The following STS variants were observed in gnomAD, a reference collection of about 807,000 sequenced individuals.
STS encodes steroid sulfatase.
In STS, 7 loss-of-function variants were observed where a neutral mutation model predicts 26.8. The observed-to-expected ratio is 0.26, with a 90% confidence interval of 0.15 to 0.49. STS has a LOEUF of 0.49. Ranked by LOEUF, STS falls within the 20% of genes least tolerant of loss-of-function variation. STS has a pLI of 0.98. For synonymous variants in STS, 199 were observed against 189.4 expected (o/e 1.05, Z -0.42); for missense variants, 434 against 465.6 (o/e 0.93, Z 0.63).
At chrX:7,345,954 TC>T (rs746973229) in intron 10 of STS, among the ~76,000 whole-genome samples, 4 of 112,040 alleles carry the variant, frequency 3.6e-5, no homozygotes, top group Non-Finnish European at 7.5e-5. Context: ...GGCTCCCACT[TC>T]CTGTGGCTGA....
chrX:7,336,058 A>G (rs1363533398), intron 10 of STS, among the ~76,000 whole-genome samples: 1 of 111,800 alleles, frequency 8.9e-6, no homozygotes, highest in Non-Finnish European at 1.9e-5. Context: ...TTAGAATTAC[A>G]GTAATATTCC....
At chrX:7,225,456 G>A (rs771438989) in intron 2 of STS, among the ~76,000 whole-genome samples, 1 of 111,648 alleles carries the variant, frequency 9.0e-6, no homozygotes, top group Admixed American at 9.5e-5. Flanking sequence ...TCTCTGAAAG[G>A]AGTCACACGG....
intron 1 of STS, among the ~76,000 whole-genome samples, chrX:7,163,376 T>A (rs1340358839): frequency 8.9e-6 from 1 of 112,540 alleles, no homozygotes; most frequent in African/African-American, 3.2e-5. Context: ...GGTGTGGAGA[T>A]CACTGTTTTG....
chrX:7,204,900 C>G lies in STS; in HGVS notation c.-5+13892C>G, dbSNP rs1198396648. On this transcript the variant is annotated intron_variant, in intron 2 of 10. Transcript: ENST00000674429. ...CCTTCCTTTCCCTTATTCCTCCCTC[C>G]TTCGCTCTCTCTCTTGCTCCCTAAT... Among the ~76,000 whole-genome samples, 4 of 107,703 alleles carry G rather than the reference C, an allele frequency of 3.7e-5. No individual in the cohort carries two copies. The East Asian group carries it at 1.2e-3, about 31-fold the overall frequency. The allele number at this position is 107,703 out of a possible 115,157, so 93.5% of individuals were successfully genotyped here.
chrX:7,256,772 G>A (rs17335568), intron 3 of STS, among the ~76,000 whole-genome samples: 38,873 of 110,253 alleles, frequency 0.35, 5,138 homozygotes, highest in Non-Finnish European at 0.39. Context: ...GACCTTTTGG[G>A]GATGTCCCGC....
At chrX:7,281,924 G>A (rs1336986336) in intron 7 of STS, among the ~76,000 whole-genome samples, 1 of 112,495 alleles carries the variant, frequency 8.9e-6, no homozygotes, top group Non-Finnish European at 1.9e-5. Flanking sequence ...AATATACGTA[G>A]AAGACATCTA....
At chrX:7,296,855 A>G (rs1458573581) in intron 7 of STS, among the ~76,000 whole-genome samples, 2 of 112,019 alleles carry the variant, frequency 1.8e-5, no homozygotes, top group Non-Finnish European at 3.8e-5. Context: ...GATGGGTTTA[A>G]TGGAGGAAAT....
intron 9 of STS, among the ~76,000 whole-genome samples, chrX:7,325,809 G>T (rs1050126167): frequency 8.9e-6 from 1 of 112,028 alleles, no homozygotes; most frequent in East Asian, 2.8e-4. Flanking sequence ...TCATGCTAAC[G>T]GACTGAGTGG....
chrX:7,330,495 T>C (rs1228251758), intron 9 of STS, among the ~76,000 whole-genome samples: 1 of 112,420 alleles, frequency 8.9e-6, no homozygotes, highest in Non-Finnish European at 1.9e-5. Flanking sequence ...GAGCTTGTGG[T>C]CCATAATTAA....
intron 10 of STS, among the ~76,000 whole-genome samples, chrX:7,341,894 A>G (rs762402147): frequency 3.5e-4 from 38 of 107,140 alleles, no homozygotes; most frequent in South Asian, 4.2e-4. Flanking sequence ...CTCACTGCAA[A>G]CTCCACCTCC....
chrX:7,330,218 G>A (rs756295300), intron 9 of STS, among the ~76,000 whole-genome samples: 2 of 111,803 alleles, frequency 1.8e-5, no homozygotes, highest in Non-Finnish European at 3.8e-5. Flanking sequence ...AAGAAGAATC[G>A]AATATCTAAA....
intron 2 of STS, among the ~76,000 whole-genome samples, chrX:7,209,356 A>G (rs1224341780): frequency 9.3e-6 from 1 of 107,348 alleles, no homozygotes; most frequent in Non-Finnish European, 1.9e-5. Flanking sequence ...TTTTCATATT[A>G]TGTATTTTAT....
chrX:7,309,464 TTAAA>T (rs1378155771), intron 8 of STS, among the ~76,000 whole-genome samples: 1 of 110,773 alleles, frequency 9.0e-6, no homozygotes, highest in African/African-American at 3.3e-5. Flanking sequence ...ACCTGTGTGA[TTAAA>T]TAATTTGTAC....
chrX:7,270,744 C>T (rs1398192888), intron 6 of STS, among the ~76,000 whole-genome samples: 6 of 111,754 alleles, frequency 5.4e-5, no homozygotes, highest in Admixed American at 9.5e-5. Context: ...CCCTTCTCCC[C>T]TTCTAAGGAG....
intron 2 of STS, among the ~76,000 whole-genome samples, chrX:7,247,158 T>A (rs1184807991): frequency 8.9e-6 from 1 of 111,773 alleles, no homozygotes; most frequent in Non-Finnish European, 1.9e-5. Context: ...GATTTAAGTC[T>A]CCCAAGGAGA....
chrX:7,161,230 G>C (rs901287918), intron 1 of STS, among the ~76,000 whole-genome samples: 2 of 110,916 alleles, frequency 1.8e-5, no homozygotes, highest in Non-Finnish European at 3.8e-5. Context: ...GCCTCCCAAA[G>C]TGTTGGGATT....
chrX:7,244,593 C>T (rs1341861203), intron 2 of STS, among the ~76,000 whole-genome samples: 1 of 111,612 alleles, frequency 9.0e-6, no homozygotes, highest in African/African-American at 3.3e-5. Context: ...CAGCTGGGGA[C>T]AGTTGTGTTC....
intron 6 of STS, among the ~76,000 whole-genome samples, chrX:7,262,491 C>T (rs966286724): frequency 1.2e-4 from 13 of 111,734 alleles, no homozygotes; most frequent in African/African-American, 3.9e-4. Flanking sequence ...AATGAAACGG[C>T]CTTGCTGAAC....
intron 6 of STS, among the ~76,000 whole-genome samples, chrX:7,270,024 C>G (rs754389390): frequency 8.9e-6 from 1 of 111,986 alleles, no homozygotes; most frequent in African/African-American, 3.2e-5. Flanking sequence ...TCACTCCTGC[C>G]TCTATAGAAT....
Sources: allele counts gnomAD v4.1 joint callset (sites outside exome capture counted in the v4.1 genomes callset), GRCh38; gene constraint gnomAD v4.1.1; transcripts MANE v1.5; gene names NCBI Gene and HGNC (gene_info 2026-07-23, HGNC 2026-07-21).